The following ROCK2 variants were observed in gnomAD, a reference collection of about 807,000 sequenced individuals.
ROCK2 encodes the protein rho-associated protein kinase 2.
In ROCK2, 61 loss-of-function variants were observed where a neutral mutation model predicts 195.1. The ratio of observed to expected loss-of-function variants is 0.31; its 90% CI spans 0.25 to 0.39. The LOEUF is 0.39. ROCK2 is among the 10% of genes least tolerant of loss of function. ROCK2 has a pLI of 1.00. For synonymous variants in ROCK2, 504 were observed against 545.5 expected (o/e 0.92, Z 1.06); for missense variants, 1,109 against 1,637.4 (o/e 0.68, Z 5.57).
intron 3 of ROCK2, among the ~76,000 whole-genome samples, chr2:11,260,841 G>C (rs1323623163): frequency 6.6e-6 from 1 of 152,206 alleles, no homozygotes; most frequent in Non-Finnish European, 1.5e-5. Context: ...ATAGGCATAA[G>C]ATGGCTTTTG....
intron 4 of ROCK2, among the ~76,000 whole-genome samples, chr2:11,241,064 C>T (rs967669979): frequency 6.6e-6 from 1 of 152,010 alleles, no homozygotes; most frequent in Admixed American, 6.6e-5. Flanking sequence ...CTGGAAAAAA[C>T]CTGAATGTCC....
Position 11,215,059 on chromosome 2 carries a change from T to G in ROCK2, c.1717A>C (p.Thr573Pro). The change falls in exon 16 of 33, where the codon ACA becomes CCA. Residue 573 changes from threonine (T) to proline (P), a missense_variant. By Grantham distance (38) the Thr-to-Pro change is conservative (BLOSUM62 -1). Coordinates refer to ENST00000315872, the MANE Select transcript of ROCK2 (RefSeq NM_004850.5). ...AACCGGGCTGCAGTATCAGACTCTG[T>G]TCGCAGTAAAGCATTGGTTTCATCC... is the stretch of plus-strand genomic sequence containing the variant. ...QLDETNALLRTESDTAARLRK... is the reference protein window; with the variant it reads ...QLDETNALLRPESDTAARLRK... The G allele has an allele frequency of 6.2e-7, 1 of 1,614,144 alleles. No individual in the cohort carries two copies. Among genetic ancestry groups the G allele is most frequent in the Non-Finnish European group, 8.5e-7 (1 of 1,180,010 alleles).
At position 11,230,304 on chromosome 2, in the gene ROCK2, A is replaced by C. The variant is rs1572274989; in HGVS notation, c.724-2906T>G. Among the ~76,000 whole-genome samples, 7 of 152,296 alleles carry C rather than the reference A, an allele frequency of 4.6e-5. No homozygotes were observed. The South Asian group carries it at 1.2e-3, about 27-fold the overall frequency. On this transcript the variant is annotated intron_variant, in intron 5 of 32. Transcript: ENST00000315872. ...TTGTATAGTGTCAAAAAATAAGAAA[A>C]TGCTCCAAAAGGGGGATATGTGGAA... is the stretch of plus-strand genomic sequence containing the variant.
In ROCK2 at chr2:11,318,424, T is replaced by C. The variant is rs569257113; in HGVS notation, c.141+25572A>G. On this transcript the variant is annotated intron_variant, in intron 1 of 32. Coordinates refer to ENST00000315872, the MANE Select transcript of ROCK2 (RefSeq NM_004850.5). ...CATAAATGTCTTCTTTTGAGAAGTG[T>C]CTGTTCATGTCCTTTGCCCACTTTT... Among the ~76,000 whole-genome samples, 4 of 152,338 alleles carry C rather than the reference T, an allele frequency of 2.6e-5. No homozygotes were observed. The East Asian group carries it at 7.7e-4, about 29-fold the overall frequency.
At chr2:11,206,907 C>T (rs1010322230) in intron 20 of ROCK2, among the ~76,000 whole-genome samples, 3 of 152,172 alleles carry the variant, frequency 2.0e-5, no homozygotes, top group Non-Finnish European at 2.9e-5. Flanking sequence ...TGGTAAGTAA[C>T]AGAACCAATA....
intron 1 of ROCK2, among the ~76,000 whole-genome samples, chr2:11,313,683 AACT>A (rs1170443203): frequency 6.6e-6 from 1 of 151,936 alleles, no homozygotes; most frequent in African/African-American, 2.4e-5. Context: ...AGTAAATAAA[AACT>A]ACATTATGAT....
At chr2:11,307,883 G>A in intron 1 of ROCK2, 1 of 1,084,928 alleles carries the variant, frequency 9.2e-7, no homozygotes, top group East Asian at 2.9e-5. Context: ...AATGGGCTTG[G>A]GCGGCTCCTC....
rs752487433 is a variant in ROCK2, at chr2:11,227,411, G to T, written c.724-13C>A. On this transcript the variant is annotated splice_polypyrimidine_tract_variant and intron_variant, in intron 5 of 32. Coordinates refer to ENST00000315872, the MANE Select transcript of ROCK2 (RefSeq NM_004850.5). ...GTACCATGCCTGTCTGCATGAACAG[G>T]AGAGATAAAGAAAAAACAGTTCAGT... 6.2e-7 allele frequency: 1 copy of T among 1,600,226 alleles called. No homozygotes were observed. Among genetic ancestry groups the T allele is most frequent in the South Asian group, 1.1e-5 (1 of 88,210 alleles).
intron 1 of ROCK2, among the ~76,000 whole-genome samples, chr2:11,301,853 A>C (rs1274133682): frequency 6.6e-6 from 1 of 151,936 alleles, no homozygotes; most frequent in Non-Finnish European, 1.5e-5. Context: ...CAGGTTTAGA[A>C]TTCCTTTCCC....
intron 1 of ROCK2, among the ~76,000 whole-genome samples, chr2:11,306,849 C>G (rs1199511508): frequency 6.6e-6 from 1 of 152,120 alleles, no homozygotes; most frequent in Non-Finnish European, 1.5e-5. Flanking sequence ...CCTACCAACA[C>G]CATGTGGGAA....
rs766363105 is a variant in ROCK2, at chr2:11,344,372, G to A, written c.-236C>T. The A allele has an allele frequency of 2.9e-4, 335 of 1,154,928 alleles. No homozygotes were observed. The highest frequency in any genetic ancestry group is 3.3e-4 in the Admixed American group (7 of 21,010). 71.5% of individuals were successfully genotyped at this position (1,154,928 alleles called of 1,614,324 possible). On this transcript the variant is annotated 5_prime_UTR_variant, in exon 1 of 33. Transcript: ENST00000315872. The surrounding 1 kb of genome is among the most constrained non-coding windows in gnomAD (Gnocchi z 5.4). ...GCCCTGCCGGGAGCGGCGGGGAACA[G>A]ACGGCGTCCCCGCCCCTCAGTCAGA...
At chr2:11,208,856 G>A (rs981946426) in intron 18 of ROCK2, among the ~76,000 whole-genome samples, 1 of 152,126 alleles carries the variant, frequency 6.6e-6, no homozygotes, top group African/African-American at 2.4e-5. Flanking sequence ...GCCACCCAAA[G>A]TGCTGGAATT....
chr2:11,323,488 T>C (rs956531762), intron 1 of ROCK2, among the ~76,000 whole-genome samples: 5 of 152,224 alleles, frequency 3.3e-5, no homozygotes, highest in African/African-American at 1.2e-4. Context: ...ACATATATGC[T>C]ACTCAGATGT....
At chr2:11,307,951 G>C in intron 1 of ROCK2, 1 of 1,456,166 alleles carries the variant, frequency 6.9e-7, no homozygotes, top group Non-Finnish European at 9.0e-7. Flanking sequence ...TCAGGGCCAG[G>C]CCTGGGAAGG....
chr2:11,208,449 T>C lies in ROCK2; in HGVS notation c.2204-2A>G. 2 of 1,463,560 alleles carry C rather than the reference T, an allele frequency of 1.4e-6. No homozygotes were observed. Among genetic ancestry groups the C allele is most frequent in the Admixed American group, 2.1e-5 (1 of 48,050 alleles). The allele number at this position is 1,463,560 out of a possible 1,614,324, so 90.7% of individuals were successfully genotyped here. A position where few individuals can be genotyped will look rare whatever the true frequency, so the allele number is the denominator to read the frequency against. On this transcript the variant is annotated splice_acceptor_variant, in intron 18 of 32. Coordinates refer to ENST00000315872, the MANE Select transcript of ROCK2 (RefSeq NM_004850.5). LOFTEE classifies it high-confidence loss of function. ...CCTCCAAGAGCTTCTTCTCCATTTC[T>C]AGTATAATAAAAATGGACACAATCA...
rs1323848258 is a variant in ROCK2 at position 11,214,954 on chromosome 2, G to T, written c.1822C>A (p.Leu608Met). 2 of 1,613,966 alleles carry T rather than the reference G, an allele frequency of 1.2e-6. No individual in the cohort carries two copies. The highest frequency in any genetic ancestry group is 2.7e-5 in the African/African-American group (2 of 74,908). Residue 608 changes from leucine (L) to methionine (M), a missense_variant, in exon 16 of 33, where the codon CTG becomes ATG. Leu to Met is a conservative substitution (Grantham distance 15, BLOSUM62 2). Coordinates refer to ENST00000315872, the MANE Select transcript of ROCK2 (RefSeq NM_004850.5). ...NNRDLQDKNCLLETAKLKLEK... is the reference protein window; with the variant it reads ...NNRDLQDKNCMLETAKLKLEK... The stretch of plus-strand genomic sequence containing the variant: ...AGTTTTAACTTGGCAGTCTCCAGCA[G>T]GCAGTTTTTATCTTGTAGATCTCTA...
At chr2:11,211,592 T>TA (rs955038484) in intron 18 of ROCK2, 89 bp downstream of exon 18, 1,005 of 1,210,210 alleles carry the variant, frequency 8.3e-4, no homozygotes, top group South Asian at 1.6e-3. Context: ...CAATGAAATA[T>TA]AAAAAAAAAT....
intron 1 of ROCK2, among the ~76,000 whole-genome samples, chr2:11,290,098 T>G (rs1670684143): frequency 6.6e-6 from 1 of 152,206 alleles, no homozygotes; most frequent in Admixed American, 6.5e-5. Flanking sequence ...CTACTTAGTA[T>G]CACCTTTTAA....
intron 1 of ROCK2, among the ~76,000 whole-genome samples, chr2:11,296,673 C>T (rs915820696): frequency 6.6e-6 from 1 of 152,098 alleles, no homozygotes; most frequent in Non-Finnish European, 1.5e-5. Context: ...ACGTCTAAAC[C>T]TATTAGCACA....
Sources: gnomAD v4.1 joint callset for allele counts (sites outside exome capture counted in the v4.1 genomes callset) on GRCh38, gnomAD v4.1.1 for gene constraint, Gnocchi (gnomAD v3.1) non-coding constraint, MANE v1.5 for transcripts, NCBI Gene and HGNC (gene_info 2026-07-23, HGNC 2026-07-21) for gene names.